The following RALYL variants were observed in gnomAD, a reference collection of about 807,000 sequenced individuals.
RALYL encodes RNA-binding Raly-like protein.
Under a neutral mutation model 35.1 loss-of-function variants are expected in RALYL, and 29 were observed. The ratio of observed to expected loss-of-function variants is 0.83; its 90% confidence interval spans 0.61 to 1.13. The LOEUF (loss-of-function observed/expected upper bound fraction) is 1.13. Ranked by LOEUF, RALYL falls within the 50% of genes most tolerant of loss-of-function variation. RALYL has a pLI of 0.00. For missense variants in RALYL, 359 were observed against 360.4 expected (o/e 1.00, Z 0.03); for synonymous variants, 120 against 127.6 (o/e 0.94, Z 0.40).
intron 2 of RALYL, among the ~76,000 whole-genome samples, chr8:84,753,211 C>A (rs1014119721): frequency 1.3e-4 from 20 of 152,162 alleles, no homozygotes; most frequent in Non-Finnish European, 2.8e-4. Flanking sequence ...TGCAGGGGGC[C>A]TGTGGCTTCT....
chr8:84,572,694 A>G (rs927321015), intron 2 of RALYL, among the ~76,000 whole-genome samples: 1 of 151,814 alleles, frequency 6.6e-6, no homozygotes, highest in Non-Finnish European at 1.5e-5. Flanking sequence ...ATTTTGATGC[A>G]CGTTAGAATA....
At chr8:84,241,274 T>C (rs1363778466) in intron 1 of RALYL, among the ~76,000 whole-genome samples, 1 of 152,190 alleles carries the variant, frequency 6.6e-6, no homozygotes, top group Non-Finnish European at 1.5e-5. Context: ...TCTTTCTCTA[T>C]ATAGTCTCTG....
At chr8:84,301,457 GA>G (rs1840767676) in intron 1 of RALYL, among the ~76,000 whole-genome samples, 1 of 151,970 alleles carries the variant, frequency 6.6e-6, no homozygotes, top group Non-Finnish European at 1.5e-5. Flanking sequence ...AATTTTCATG[GA>G]CAATATCTTC....
chr8:84,421,964 G>A (rs1412401797), intron 1 of RALYL, among the ~76,000 whole-genome samples: 1 of 151,944 alleles, frequency 6.6e-6, no homozygotes, highest in Non-Finnish European at 1.5e-5. Flanking sequence ...ATTTTATTGA[G>A]GATTTTTGCA....
chr8:84,766,681 G>T (rs902395833), intron 2 of RALYL, among the ~76,000 whole-genome samples: 1 of 122,946 alleles, frequency 8.1e-6, no homozygotes, highest in Non-Finnish European at 1.6e-5. Context: ...CTGAGATCGC[G>T]CCACTGCACT....
intron 2 of RALYL, among the ~76,000 whole-genome samples, chr8:84,742,867 T>A (rs1807705205): frequency 6.6e-6 from 1 of 151,970 alleles, no homozygotes; most frequent in African/African-American, 2.4e-5. Flanking sequence ...AAAGGATAGT[T>A]GTCCTAATTT....
chr8:84,471,297 A>C lies in RALYL; in HGVS notation c.-23-58002A>C, dbSNP rs555297999. 1.3e-3 allele frequency among the ~76,000 whole-genome samples: 191 copies of C among 152,248 alleles called. 1 individual carries two copies. Among genetic ancestry groups the C allele is most frequent in the Non-Finnish European group, 2.2e-3 (149 of 68,014 alleles). ...AAAAAAGATAGAAAACAACAACAACAACCAGCCAGGGACAGTGTCTCACAC... is the reference window on the plus strand; with the variant it reads ...AAAAAAGATAGAAAACAACAACAACCACCAGCCAGGGACAGTGTCTCACAC... On this transcript the variant is annotated intron_variant, in intron 1 of 8. Transcript: ENST00000521268.
At chr8:84,700,695 A>C (rs533276529) in intron 2 of RALYL, among the ~76,000 whole-genome samples, 1 of 152,332 alleles carries the variant, frequency 6.6e-6, no homozygotes, top group East Asian at 1.9e-4. Flanking sequence ...GATGTTTTTA[A>C]TATGATAGCC....
At chr8:84,826,715 T>C (rs1829804519) in intron 4 of RALYL, among the ~76,000 whole-genome samples, 1 of 151,322 alleles carries the variant, frequency 6.6e-6, no homozygotes. Context: ...CCTGCCCACA[T>C]GTACATCTAC....
intron 1 of RALYL, among the ~76,000 whole-genome samples, chr8:84,381,654 T>C (rs1586737169): frequency 6.6e-6 from 1 of 151,956 alleles, no homozygotes; most frequent in Admixed American, 6.6e-5. Context: ...TTGGTGTGCA[T>C]GCTCTTAACC....
intron 1 of RALYL, among the ~76,000 whole-genome samples, chr8:84,516,807 A>T (rs1406026440): frequency 6.6e-6 from 1 of 152,118 alleles, no homozygotes; most frequent in Admixed American, 6.6e-5. Flanking sequence ...TCTAGAGCTG[A>T]TATGGGTATT....
intron 2 of RALYL, among the ~76,000 whole-genome samples, chr8:84,722,022 G>A (rs550041502): frequency 3.3e-5 from 5 of 152,150 alleles, no homozygotes; most frequent in African/African-American, 9.6e-5. Context: ...GTTTCAATAC[G>A]TGGATGTACA....
chr8:84,520,532 T>C (rs2058381872), intron 1 of RALYL, among the ~76,000 whole-genome samples: 1 of 152,186 alleles, frequency 6.6e-6, no homozygotes, highest in Admixed American at 6.5e-5. Flanking sequence ...TACATAGACA[T>C]TCTTTAGATA....
chr8:84,849,980 C>T lies in RALYL; in HGVS notation c.366C>T (p.Gly122=), dbSNP rs182622234. The change falls in exon 5 of 9, where the codon GGC becomes GGT. Residue 122 remains glycine (G), a splice_region_variant and synonymous_variant. Transcript: ENST00000521268. ...CTAATTTTTTTGTTTCCCTCTTTAG[C>T]GGTTATGTCTTTGACTATGATTACT... ...LESKEPFLSV[G]GYVFDYDYYR... 66 of 1,474,488 alleles carry T rather than the reference C, an allele frequency of 4.5e-5. No individual in the cohort carries two copies. Among genetic ancestry groups the T allele is most frequent in the African/African-American group, 8.6e-5 (6 of 69,858 alleles). The allele number at this position is 1,474,488 out of a possible 1,614,324, so 91.3% of individuals were successfully genotyped here. A position where few individuals can be genotyped will look rare whatever the true frequency, so the allele number is the denominator to read the frequency against.
intron 2 of RALYL, among the ~76,000 whole-genome samples, chr8:84,532,222 T>A (rs2059322127): frequency 6.6e-6 from 1 of 152,026 alleles, no homozygotes; most frequent in African/African-American, 2.4e-5. Context: ...CCCAGCGGTT[T>A]TTTTGTTTGT....
chr8:84,446,772 T>G (rs1173039053), intron 1 of RALYL, among the ~76,000 whole-genome samples: 1 of 152,014 alleles, frequency 6.6e-6, no homozygotes, highest in Non-Finnish European at 1.5e-5. Context: ...TTTCAGGAGC[T>G]GAGGGGGTGC....
At chr8:84,399,388 C>CA (rs2042671428) in intron 1 of RALYL, among the ~76,000 whole-genome samples, 1 of 152,118 alleles carries the variant, frequency 6.6e-6, no homozygotes. Context: ...TCCTTAAAGA[C>CA]TACCAATAAG....
At chr8:84,304,219 G>A (rs1346100362) in intron 1 of RALYL, among the ~76,000 whole-genome samples, 6 of 151,964 alleles carry the variant, frequency 3.9e-5, no homozygotes, top group South Asian at 2.1e-4. Context: ...CCGGGTTCAC[G>A]CCATTGTCCT....
intron 1 of RALYL, among the ~76,000 whole-genome samples, chr8:84,356,888 A>G (rs775761553): frequency 6.6e-6 from 1 of 150,680 alleles, no homozygotes; most frequent in Non-Finnish European, 1.5e-5. Context: ...GCAAATATAT[A>G]TATAGAATAA....
Sources: allele counts gnomAD v4.1 joint callset (sites outside exome capture counted in the v4.1 genomes callset), GRCh38; gene constraint gnomAD v4.1.1; transcripts MANE v1.5; gene names NCBI Gene and HGNC (gene_info 2026-07-23, HGNC 2026-07-21).